MDGA1: variants seen among roughly 807,000 people sequenced by gnomAD.
MDGA1 encodes MAM domain containing glycosylphosphatidylinositol anchor 1, also known as MAM domain-containing glycosylphosphatidylinositol anchor protein 1.
MDGA1 carries 54 observed loss-of-function variants against 101.5 expected under a neutral mutation model. That is an observed-to-expected ratio of 0.53 (90% CI 0.43 to 0.67). The LOEUF (loss-of-function observed/expected upper bound fraction) is 0.67, where lower values mean the gene tolerates loss of function less well. Ranked by LOEUF, MDGA1 falls within the 30% of genes least tolerant of loss-of-function variation. The probability of loss-of-function intolerance (pLI) is 0.00; values close to 1 mark genes in which losing one functional copy is unlikely to be tolerated. For missense variants in MDGA1, 1,083 were observed against 1,323.8 expected, an observed-to-expected ratio of 0.82 and a Z score of 2.82; for synonymous variants, 533 against 558.3, an observed-to-expected ratio of 0.95 and a Z score of 0.64.
chr6:37,695,712 T>C (rs1057144195), intron 1 of MDGA1, among the ~76,000 whole-genome samples: 1 of 152,014 alleles, frequency 6.6e-6, no homozygotes, highest in African/African-American at 2.4e-5. Flanking sequence ...GAATCATTAG[T>C]CCCTCCACCC....
intron 1 of MDGA1, among the ~76,000 whole-genome samples, chr6:37,678,622 T>C (rs1223154412): frequency 6.6e-6 from 1 of 152,024 alleles, no homozygotes; most frequent in Non-Finnish European, 1.5e-5. Flanking sequence ...TTGCCCTCTT[T>C]GTCAGTCTTC....
chr6:37,678,441 A>G (rs536670742), intron 1 of MDGA1, among the ~76,000 whole-genome samples: 2 of 152,016 alleles, frequency 1.3e-5, no homozygotes, highest in Non-Finnish European at 2.9e-5. Flanking sequence ...TGCCTGCTGT[A>G]GTCTGTTCTC....
Position 37,643,812 on chromosome 6 carries a change from T to C in MDGA1, c.2533A>G (p.Ile845Val), listed in dbSNP as rs1764150709. Residue 845 changes from isoleucine (I) to valine (V), a missense_variant, in exon 14 of 17, where the codon ATC (isoleucine) becomes GTC (valine). By Grantham distance (29) the Ile-to-Val change is conservative. Coordinates refer to ENST00000434837, the MANE Select transcript of MDGA1 (RefSeq NM_153487.4). ...SFFYHMYGKH[I>V]GSLNLLVRSR... ...ACTACCTGGCCCCCCAACTCACCGA[T>C]GTGTTTCCCGTACATGTGGTAGAAG... The C allele has an allele frequency of 2.5e-6, 4 of 1,613,864 alleles. No homozygotes were observed. The highest frequency in any genetic ancestry group is 3.4e-6 in the Non-Finnish European group (4 of 1,179,814).
At position 37,655,567 on chromosome 6, in the gene MDGA1, A is replaced by G; in HGVS notation, c.579+133T>C. On this transcript the variant is annotated intron_variant, in intron 4 of 16. Coordinates refer to ENST00000434837, the MANE Select transcript of MDGA1 (RefSeq NM_153487.4). The surrounding 1 kb of genome is among the most constrained non-coding windows in gnomAD (Gnocchi z 5.1). ...TCTGCCCCAGGCTGTCTGAACTCCA[A>G]TCAGAATGTGTGTTTCCAAAGTAAG... 1.4e-6 allele frequency: 1 copy of G among 716,704 alleles called. No homozygotes were observed. Among genetic ancestry groups the G allele is most frequent in the Non-Finnish European group, 2.3e-6 (1 of 434,708 alleles). The allele number at this position is 716,704 out of a possible 1,614,324, so 44.4% of individuals were successfully genotyped here.
At chr6:37,657,547 G>A (rs1761519621) in intron 3 of MDGA1, among the ~76,000 whole-genome samples, 1 of 152,256 alleles carries the variant, frequency 6.6e-6, no homozygotes, top group Non-Finnish European at 1.5e-5. Context: ...GGTCTGGGGT[G>A]TCAGTGTTCA....
chr6:37,695,956 G>A (rs1762409113), intron 1 of MDGA1, among the ~76,000 whole-genome samples: 1 of 152,156 alleles, frequency 6.6e-6, no homozygotes, highest in Admixed American at 6.5e-5. Flanking sequence ...AGGGGGAAGG[G>A]GTAACCAGAG....
At chr6:37,667,738 C>A (rs928175247) in intron 1 of MDGA1, among the ~76,000 whole-genome samples, 1 of 152,206 alleles carries the variant, frequency 6.6e-6, no homozygotes, top group Non-Finnish European at 1.5e-5. Context: ...GACACTGTGG[C>A]TTGCCTGTAG....
chr6:37,695,726 A>G (rs1035816184), intron 1 of MDGA1, among the ~76,000 whole-genome samples: 1 of 152,210 alleles, frequency 6.6e-6, no homozygotes, highest in African/African-American at 2.4e-5. Context: ...TCCACCCAAC[A>G]GAAAAGGAAA....
At chr6:37,664,595 C>A (rs917475770) in intron 1 of MDGA1, among the ~76,000 whole-genome samples, 3 of 71,140 alleles carry the variant, frequency 4.2e-5, no homozygotes, top group Non-Finnish European at 9.0e-5. Flanking sequence ...CCCTCTCCCC[C>A]ACAATACACA....
Position 37,649,190 on chromosome 6 carries a change from C to T in MDGA1, c.1686G>A (p.Leu562=). 6.7e-7 allele frequency: 1 copy of T among 1,501,378 alleles called. No individual in the cohort carries two copies. Among genetic ancestry groups the T allele is most frequent in the South Asian group, 1.3e-5 (1 of 79,688 alleles). The allele number at this position is 1,501,378 out of a possible 1,614,324, so 93.0% of individuals were successfully genotyped here. A position where few individuals can be genotyped will look rare whatever the true frequency, so the allele number is the denominator to read the frequency against. The change falls in exon 9 of 17, where the codon CTG becomes CTA. Residue 562 remains leucine (L), a synonymous_variant. Transcript: ENST00000434837. ...CGATGCGCTGGGGGCTGCCTCGCAGCAGCGAGCAGCGCAGGAGCACGGGCC... is the reference window on the plus strand; with the variant it reads ...CGATGCGCTGGGGGCTGCCTCGCAGTAGCGAGCAGCGCAGGAGCACGGGCC... ...LGRPVLLRCS[L]LRGSPQRIAS...
At position 37,647,259 on chromosome 6, in the gene MDGA1, T is replaced by G. The variant is rs143136966; in HGVS notation, c.1960A>C (p.Lys654Gln). ...PNPTRSHKLS[K>Q]NYSYVLQWTQ... ...CACTGCAGCACGTAGGAGTAGTTCT[T>G]GGACAGCTTGTGGCTGCGGGTGGGG... The change falls in exon 10 of 17, where the codon AAG (lysine) becomes CAG (glutamine). Residue 654 changes from lysine (K) to glutamine (Q), a missense_variant. By Grantham distance (53) the Lys-to-Gln change is moderately conservative (BLOSUM62 1). Coordinates refer to ENST00000434837, the MANE Select transcript of MDGA1 (RefSeq NM_153487.4). 1.4e-5 allele frequency: 22 copies of G among 1,572,382 alleles called. No individual in the cohort carries two copies. The East Asian group carries it at 4.9e-4, about 35-fold the overall frequency.
At chr6:37,675,018 T>C (rs1017704385) in intron 1 of MDGA1, among the ~76,000 whole-genome samples, 7 of 152,128 alleles carry the variant, frequency 4.6e-5, no homozygotes, top group Non-Finnish European at 1.0e-4. Flanking sequence ...GATCGTGCCA[T>C]TGCACTCCAG....
At chr6:37,678,722 C>G (rs998454712) in intron 1 of MDGA1, among the ~76,000 whole-genome samples, 10 of 151,072 alleles carry the variant, frequency 6.6e-5, no homozygotes, top group Middle Eastern at 3.4e-3. Context: ...TCCAGCTCTC[C>G]AGAGCCTGCT....
chr6:37,671,534 C>T (rs1482922359), intron 1 of MDGA1, among the ~76,000 whole-genome samples: 2 of 152,228 alleles, frequency 1.3e-5, no homozygotes, highest in African/African-American at 4.8e-5. Context: ...CAGAATGCTG[C>T]TGGCCTATCA....
In MDGA1 at chr6:37,654,305, AG is replaced by A; in HGVS notation, c.950del (p.Pro317LeufsTer13). 6.4e-7 allele frequency: 1 copy of A among 1,570,418 alleles called. No individual in the cohort carries two copies. Among genetic ancestry groups the A allele is most frequent in the Admixed American group, 1.8e-5 (1 of 54,790 alleles). Reference protein sequence around the residue: ...NCTATNNVGNPAKKTVNLLVR... With the variant: ...NCTATNNVGNXAKKTVNLLVR... The stretch of plus-strand genomic sequence containing the variant: ...CCAGCAGGTTGACAGTCTTCTTGGC[AG>A]GGTTGCCCACATTGTTGGTGGCTGT... On this transcript the variant is annotated frameshift_variant, in exon 6 of 17. Transcript: ENST00000434837. LOFTEE classifies it high-confidence loss of function.
At chr6:37,675,304 G>A (rs1393944054) in intron 1 of MDGA1, among the ~76,000 whole-genome samples, 1 of 152,128 alleles carries the variant, frequency 6.6e-6, no homozygotes, top group African/African-American at 2.4e-5. Context: ...TGCAAAATGG[G>A]GATAGTACTA....
At position 37,637,244 on chromosome 6, in the gene MDGA1, G is replaced by T. The variant is rs1450975741; in HGVS notation, c.*124C>A. On this transcript the variant is annotated 3_prime_UTR_variant, in exon 17 of 17. Coordinates refer to ENST00000434837, the MANE Select transcript of MDGA1 (RefSeq NM_153487.4). The stretch of plus-strand genomic sequence containing the variant: ...CTGCTCATCCTTGCAGCCAATGCAG[G>T]CCCCCTCCCTGGCGGGCCGGCCCTG... The T allele has an allele frequency of 2.9e-5, 20 of 693,724 alleles. No individual in the cohort carries two copies. Among genetic ancestry groups the T allele is most frequent in the Admixed American group, 2.5e-5 (1 of 39,398 alleles). 43.0% of individuals were successfully genotyped at this position (693,724 alleles called of 1,614,324 possible).
chr6:37,645,927 T>C lies in MDGA1; in HGVS notation c.2248+6A>G, dbSNP rs776409534. On this transcript the variant is annotated splice_donor_region_variant and intron_variant, in intron 12 of 16. Transcript: ENST00000434837. ...GGGGAAGTCATGGGTGACTGGGGAG[T>C]CTCACCTGAAAGGTTCGGAGAGTTG... is the stretch of plus-strand genomic sequence containing the variant. 6.2e-7 allele frequency: 1 copy of C among 1,613,904 alleles called. No homozygotes were observed. The highest frequency in any genetic ancestry group is 2.2e-5 in the East Asian group (1 of 44,882).
chr6:37,650,458 C>T, intron 7 of MDGA1, 53 bp from the exon 8 acceptor site: 1 of 1,434,464 alleles, frequency 7.0e-7, no homozygotes, highest in Non-Finnish European at 9.2e-7. Context: ...TAGAGCTCCC[C>T]ACTGGGCTCT....
Sources: gnomAD v4.1 joint callset for allele counts (sites outside exome capture counted in the v4.1 genomes callset) on GRCh38, gnomAD v4.1.1 for gene constraint, Gnocchi (gnomAD v3.1) non-coding constraint, MANE v1.5 for transcripts, NCBI Gene and HGNC (gene_info 2026-07-23, HGNC 2026-07-21) for gene names.